GRIN2B: variants seen among roughly 807,000 people sequenced by gnomAD.
The protein encoded by GRIN2B is glutamate receptor ionotropic, NMDA 2B.
In GRIN2B, 5 loss-of-function variants were observed where a neutral mutation model predicts 114.5. That is an observed-to-expected ratio of 0.04 (90% confidence interval 0.02 to 0.09). GRIN2B has a LOEUF of 0.09. Ranked by LOEUF, GRIN2B falls within the 10% of genes least tolerant of loss-of-function variation. The probability of loss-of-function intolerance (pLI) is 1.00; values close to 1 mark genes in which losing one functional copy is unlikely to be tolerated. For missense variants in GRIN2B, 1,108 were observed against 1,943.5 expected (o/e 0.57, Z 8.08); for synonymous variants, 787 against 745.1 (o/e 1.06, Z -0.92).
chr12:13,846,730 A>G (rs1865478876), intron 3 of GRIN2B, among the ~76,000 whole-genome samples: 1 of 152,242 alleles, frequency 6.6e-6, no homozygotes, highest in Non-Finnish European at 1.5e-5. Context: ...ATGAGGAAAC[A>G]TATTTGCGAA....
chr12:13,611,386 T>A (rs1334135182), intron 9 of GRIN2B, among the ~76,000 whole-genome samples: 1 of 152,214 alleles, frequency 6.6e-6, no homozygotes, highest in Non-Finnish European at 1.5e-5. Context: ...GTTAGCGACA[T>A]CTGTTCCAAC....
intron 10 of GRIN2B, among the ~76,000 whole-genome samples, chr12:13,604,163 C>T (rs1259894448): frequency 6.6e-6 from 1 of 152,144 alleles, no homozygotes; most frequent in African/African-American, 2.4e-5. Context: ...TTACACCCTC[C>T]TCCCACTGGG....
chr12:13,840,215 T>C (rs1865354885), intron 3 of GRIN2B, among the ~76,000 whole-genome samples: 3 of 152,164 alleles, frequency 2.0e-5, no homozygotes. Flanking sequence ...CCAACTTCAC[T>C]CCCTCTGGAT....
intron 10 of GRIN2B, among the ~76,000 whole-genome samples, chr12:13,584,635 C>A (rs1324042172): frequency 6.6e-6 from 1 of 152,210 alleles, no homozygotes; most frequent in Non-Finnish European, 1.5e-5. Context: ...TCTTTCCTGG[C>A]ACTTTCTCCA....
chr12:13,875,358 C>G lies in GRIN2B; in HGVS notation c.-18-9132G>C, dbSNP rs1257742522. On this transcript the variant is annotated intron_variant, in intron 2 of 13. Coordinates refer to ENST00000609686, the MANE Select transcript of GRIN2B (RefSeq NM_000834.5). ...CCTGGCTAACATGGTGAAACCCTGT[C>G]TCTAATAAAAATACAAAAATTAGCC... Among the ~76,000 whole-genome samples the G allele has an allele frequency of 2.0e-5, 3 of 152,132 alleles. No individual in the cohort carries two copies. The East Asian group carries it at 5.8e-4, about 29-fold the overall frequency.
intron 2 of GRIN2B, among the ~76,000 whole-genome samples, chr12:13,968,741 C>A (rs993068795): frequency 1.3e-5 from 2 of 152,166 alleles, no homozygotes; most frequent in Admixed American, 1.3e-4. Context: ...ATATTTGAAA[C>A]AAAACTAGCT....
chr12:13,622,647 G>C (rs1359112419), intron 5 of GRIN2B, among the ~76,000 whole-genome samples: 1 of 151,904 alleles, frequency 6.6e-6, no homozygotes, highest in Non-Finnish European at 1.5e-5. Flanking sequence ...TCTAGAGGCT[G>C]GGAAGTCCAA....
In GRIN2B at chr12:13,563,092, G is replaced by T; in HGVS notation, c.4146C>A (p.Val1382=). The change falls in exon 14 of 14, where the codon GTC becomes GTA. Residue 1382 remains valine (V), a synonymous_variant. Coordinates refer to ENST00000609686, the MANE Select transcript of GRIN2B (RefSeq NM_000834.5). ...MLSKSLYPDR[V]TQNPFIPTFG... ...AAGTGGGGATGAAAGGGTTTTGCGT[G>T]ACCCGGTCAGGGTAGAGCGACTTGC... is the stretch of plus-strand genomic sequence containing the variant. 6.2e-7 allele frequency: 1 copy of T among 1,614,212 alleles called. No individual in the cohort carries two copies. The highest frequency in any genetic ancestry group is 1.1e-5 in the South Asian group (1 of 91,074).
chr12:13,754,551 G>C (rs1382066193), intron 3 of GRIN2B, among the ~76,000 whole-genome samples: 2 of 149,308 alleles, frequency 1.3e-5, no homozygotes, highest in Non-Finnish European at 3.0e-5. Context: ...AGTATACGTA[G>C]TATGAAATTG....
Position 13,551,599 on chromosome 12 carries a change from C to A in GRIN2B, c.*11184G>T, listed in dbSNP as rs376545965. The A allele has an allele frequency of 1.3e-5, 2 of 152,156 alleles. No individual in the cohort carries two copies. 9.4% of individuals were successfully genotyped at this position (152,156 alleles called of 1,614,324 possible). A position where few individuals can be genotyped will look rare whatever the true frequency, so the allele number is the denominator to read the frequency against. On this transcript the variant is annotated 3_prime_UTR_variant, in exon 14 of 14. Transcript: ENST00000609686. The stretch of plus-strand genomic sequence containing the variant: ...CTCTTTATCCCATTCTAAATGAACA[C>A]TTTCATCTACCATAACATGATTGAC...
chr12:13,964,910 C>T (rs962363941), intron 2 of GRIN2B, among the ~76,000 whole-genome samples: 5 of 152,186 alleles, frequency 3.3e-5, no homozygotes, highest in African/African-American at 4.8e-5. Flanking sequence ...GAGAAGCAGG[C>T]ACAATACTTA....
intron 2 of GRIN2B, among the ~76,000 whole-genome samples, chr12:13,966,648 T>C (rs923238472): frequency 6.6e-6 from 1 of 152,182 alleles, no homozygotes; most frequent in African/African-American, 2.4e-5. Flanking sequence ...GCTGGCCCTC[T>C]ACATGGGACA....
chr12:13,830,500 T>C (rs9988991), intron 3 of GRIN2B, among the ~76,000 whole-genome samples: 45,285 of 152,096 alleles, frequency 0.3, 7,150 homozygotes, highest in Non-Finnish European at 0.34. Context: ...AAAACAAATG[T>C]CCTAATATTC....
chr12:13,641,931 T>C (rs1421052763), intron 5 of GRIN2B, among the ~76,000 whole-genome samples: 1 of 152,160 alleles, frequency 6.6e-6, no homozygotes, highest in African/African-American at 2.4e-5. Context: ...CTCATGCCTG[T>C]AATCCCAGAA....
chr12:13,701,375 C>T (rs1052055261), intron 4 of GRIN2B, among the ~76,000 whole-genome samples: 2 of 152,120 alleles, frequency 1.3e-5, no homozygotes, highest in African/African-American at 4.8e-5. Flanking sequence ...GTGTCATAAT[C>T]CTGTCAAAGC....
intron 3 of GRIN2B, among the ~76,000 whole-genome samples, chr12:13,777,013 G>A (rs1864017632): frequency 6.6e-6 from 1 of 152,110 alleles, no homozygotes; most frequent in Admixed American, 6.5e-5. Flanking sequence ...ACACTAATGG[G>A]TGTCCCTAAG....
intron 2 of GRIN2B, among the ~76,000 whole-genome samples, chr12:13,867,340 A>G (rs888423047): frequency 2.0e-5 from 3 of 152,302 alleles, no homozygotes; most frequent in South Asian, 2.1e-4. Context: ...ATAATGCTCT[A>G]TAGAATATAA....
chr12:13,684,863 A>C (rs1357298064), intron 4 of GRIN2B, among the ~76,000 whole-genome samples: 2 of 152,028 alleles, frequency 1.3e-5, no homozygotes, highest in African/African-American at 4.8e-5. Context: ...CTTTTTTGTG[A>C]CTATTAATAA....
intron 2 of GRIN2B, among the ~76,000 whole-genome samples, chr12:13,920,214 C>T (rs1332739252): frequency 2.2e-5 from 3 of 135,010 alleles, no homozygotes; most frequent in African/African-American, 8.5e-5. Flanking sequence ...GCCTGGGTAA[C>T]ATAGCAAGAC....
Sources: gnomAD v4.1 joint callset for allele counts (sites outside exome capture counted in the v4.1 genomes callset) on GRCh38, gnomAD v4.1.1 for gene constraint, MANE v1.5 for transcripts, NCBI Gene and HGNC (gene_info 2026-07-23, HGNC 2026-07-21) for gene names.